Variants in IFT43 observed in about 807,000 individuals in gnomAD.
IFT43 encodes the protein intraflagellar transport 43.
IFT43 carries 33 observed loss-of-function variants against 32.3 expected under a neutral mutation model. The ratio of observed to expected loss-of-function variants is 1.02; its 90% CI spans 0.77 to 1.37. The LOEUF (loss-of-function observed/expected upper bound fraction) is 1.37. Among genes scored for constraint, IFT43 ranks in the 40% most tolerant of loss-of-function variants. IFT43 has a pLI of 0.00. For synonymous variants in IFT43, 93 were observed against 98.2 expected (o/e 0.95, Z 0.31); for missense variants, 274 against 265.9 (o/e 1.03, Z -0.21).
intron 5 of IFT43, among the ~76,000 whole-genome samples, chr14:76,060,744 A>G (rs192108720): frequency 1.7e-3 from 256 of 151,720 alleles, no homozygotes; most frequent in Middle Eastern, 6.8e-3. Flanking sequence ...TAGGCTGACA[A>G]TTTTTTTCTT....
At chr14:75,990,533 A>G (rs1302581637) in intron 2 of IFT43, among the ~76,000 whole-genome samples, 2 of 152,136 alleles carry the variant, frequency 1.3e-5, no homozygotes, top group Admixed American at 6.6e-5. Flanking sequence ...TAGGCCTGCA[A>G]TTGTTATTGC....
At chr14:76,070,872 G>A (rs1426442476) in intron 5 of IFT43, among the ~76,000 whole-genome samples, 1 of 152,122 alleles carries the variant, frequency 6.6e-6, no homozygotes. Flanking sequence ...AGAAGCAGAG[G>A]GCGCTGTGTT....
intron 2 of IFT43, among the ~76,000 whole-genome samples, chr14:75,997,946 A>C (rs1310215714): frequency 6.6e-6 from 1 of 152,186 alleles, no homozygotes; most frequent in African/African-American, 2.4e-5. Flanking sequence ...GTTGCACTTA[A>C]GATAAAAAAA....
At chr14:76,026,158 A>G (rs2036389664) in intron 3 of IFT43, among the ~76,000 whole-genome samples, 1 of 152,224 alleles carries the variant, frequency 6.6e-6, no homozygotes, top group Admixed American at 6.5e-5. Context: ...TAAAAGAAAG[A>G]CATACATGCA....
rs982728844 is a variant in IFT43, at chr14:76,062,359, C to T, written c.295+2986C>T. ...TGCTGGGATTACAGGTGTGAGCCAC[C>T]GCGCCCGGCCTGTTTTTCTGCTTCT... On this transcript the variant is annotated intron_variant, in intron 5 of 8. Transcript: ENST00000314067. 6.6e-5 allele frequency among the ~76,000 whole-genome samples: 10 copies of T among 151,970 alleles called. No individual in the cohort carries two copies. In the East Asian group the frequency reaches 7.7e-4, roughly 12 times the overall value.
At chr14:76,059,260 T>C in intron 4 of IFT43, 67 bp from the exon 5 acceptor site, 5 of 1,612,790 alleles carry the variant, frequency 3.1e-6, no homozygotes, top group Non-Finnish European at 4.2e-6. Context: ...ACAATAAACA[T>C]TTGGGATGTT....
intron 2 of IFT43, among the ~76,000 whole-genome samples, chr14:76,006,541 G>A (rs2035983927): frequency 6.6e-6 from 1 of 152,130 alleles, no homozygotes; most frequent in Non-Finnish European, 1.5e-5. Context: ...TTTACTGATA[G>A]GAGAAATCCA....
At chr14:76,005,535 T>G (rs2035965391) in intron 2 of IFT43, among the ~76,000 whole-genome samples, 2 of 152,256 alleles carry the variant, frequency 1.3e-5, no homozygotes, top group Non-Finnish European at 1.5e-5. Flanking sequence ...TGGAGTCTCC[T>G]TTATGCATGT....
chr14:76,057,431 A>C (rs1238790322), intron 3 of IFT43, among the ~76,000 whole-genome samples: 1 of 151,968 alleles, frequency 6.6e-6, no homozygotes, highest in Non-Finnish European at 1.5e-5. Flanking sequence ...GGGTTTCACC[A>C]TGTTGGACGG....
chr14:76,065,393 G>A (rs2037209732), intron 5 of IFT43, among the ~76,000 whole-genome samples: 2 of 152,150 alleles, frequency 1.3e-5, no homozygotes, highest in South Asian at 4.1e-4. Context: ...CCTTATTAAA[G>A]TATACAATTT....
chr14:76,055,359 A>AG (rs2036992680), intron 3 of IFT43, among the ~76,000 whole-genome samples: 1 of 151,830 alleles, frequency 6.6e-6, no homozygotes, highest in African/African-American at 2.4e-5. Context: ...AAAAAAAAAA[A>AG]GTAAATTAAT....
chr14:76,055,372 AAAAT>A (rs1385532458), intron 3 of IFT43, among the ~76,000 whole-genome samples: 1 of 152,078 alleles, frequency 6.6e-6, no homozygotes, highest in Non-Finnish European at 1.5e-5. Flanking sequence ...AAATTAATAA[AAAAT>A]AAAAATATAC....
At position 76,059,157 on chromosome 14, in the gene IFT43, A is replaced by G. The variant is rs2037082718; in HGVS notation, c.249-170A>G. 5 of 1,537,042 alleles carry G rather than the reference A, an allele frequency of 3.3e-6. No individual in the cohort carries two copies. The South Asian group carries it at 6.2e-5, about 19-fold the overall frequency. On this transcript the variant is annotated intron_variant, in intron 4 of 8. Transcript: ENST00000314067. The stretch of plus-strand genomic sequence containing the variant: ...AGTGCATCGCACAGCCTGTGCAACC[A>G]CACACGGCACACCCAGTGGCCTAAT...
intron 3 of IFT43, among the ~76,000 whole-genome samples, chr14:76,024,432 A>T (rs12894474): frequency 0.16 from 25,071 of 152,260 alleles, 2,124 homozygotes; most frequent in Middle Eastern, 0.24. Flanking sequence ...TGATTCAGAC[A>T]TACCAGGGTT....
At chr14:76,062,716 G>A (rs536944841) in intron 5 of IFT43, among the ~76,000 whole-genome samples, 1 of 151,110 alleles carries the variant, frequency 6.6e-6, no homozygotes, top group East Asian at 2.0e-4. Context: ...CAGGATTCAA[G>A]ACCAGCCTGC....
intron 2 of IFT43, among the ~76,000 whole-genome samples, chr14:76,018,004 T>C (rs910328590): frequency 2.0e-5 from 3 of 152,050 alleles, no homozygotes; most frequent in African/African-American, 4.8e-5. Context: ...AAACTATCTT[T>C]TGTTTCATTG....
At chr14:76,002,990 T>C (rs1029256418) in intron 2 of IFT43, among the ~76,000 whole-genome samples, 4 of 152,252 alleles carry the variant, frequency 2.6e-5, no homozygotes, top group Non-Finnish European at 4.4e-5. Context: ...GAAAGCTTCA[T>C]TGAAATCATT....
intron 5 of IFT43, among the ~76,000 whole-genome samples, chr14:76,071,178 C>T (rs1158085192): frequency 6.6e-6 from 1 of 152,178 alleles, no homozygotes; most frequent in Admixed American, 6.5e-5. Context: ...GGTCCAAGGA[C>T]TAAGCTGCCC....
At chr14:76,077,752 T>C (rs1416558250) in intron 5 of IFT43, among the ~76,000 whole-genome samples, 1 of 152,188 alleles carries the variant, frequency 6.6e-6, no homozygotes, top group African/African-American at 2.4e-5. Flanking sequence ...TTGGAAGGGA[T>C]CTGGCATAGC....
Sources: gnomAD v4.1 joint callset for allele counts (sites outside exome capture counted in the v4.1 genomes callset) on GRCh38, gnomAD v4.1.1 for gene constraint, MANE v1.5 for transcripts, NCBI Gene and HGNC (gene_info 2026-07-23, HGNC 2026-07-21) for gene names.